Variants in SATB1 observed in about 807,000 individuals in gnomAD.
SATB1 encodes SATB homeobox 1, also known as DNA-binding protein SATB1.
Under a neutral mutation model 86.9 loss-of-function variants are expected in SATB1, and 11 were observed. That is an observed-to-expected ratio of 0.13 (90% CI 0.08 to 0.21). The LOEUF (loss-of-function observed/expected upper bound fraction) is 0.21. Among genes scored for constraint, SATB1 ranks in the 10% least tolerant of loss-of-function variants. SATB1 has a pLI of 1.00. For missense variants in SATB1, 551 were observed against 937.6 expected (o/e 0.59, Z 5.39); for synonymous variants, 357 against 357.2 (o/e 1.00, Z 0.01).
chr3:18,409,854 C>T lies in SATB1; in HGVS notation c.639+5257G>A, dbSNP rs539007471. On this transcript the variant is annotated intron_variant, in intron 5 of 10. Transcript: ENST00000338745. ...CCTTTTATTTTAAAATGGAGCTGCTCGTAAAAGACCAGTCTGATGACTGGA... is the reference window on the plus strand; with the variant it reads ...CCTTTTATTTTAAAATGGAGCTGCTTGTAAAAGACCAGTCTGATGACTGGA... Among the ~76,000 whole-genome samples, 6 of 152,056 alleles carry T rather than the reference C, an allele frequency of 3.9e-5. No individual in the cohort carries two copies. The South Asian group carries it at 6.2e-4, about 16-fold the overall frequency.
chr3:18,441,694 G>T (rs948155880), upstream of SATB1, among the ~76,000 whole-genome samples: 3 of 152,110 alleles, frequency 2.0e-5, no homozygotes, highest in African/African-American at 7.2e-5. Context: ...AACAGTGTTT[G>T]TAACCAAAAT....
chr3:18,374,814 T>C (rs1313204094), intron 9 of SATB1, among the ~76,000 whole-genome samples: 1 of 152,220 alleles, frequency 6.6e-6, no homozygotes. Context: ...TCTCTATCCA[T>C]GTGGAGGACT....
At chr3:18,368,792 A>G (rs1272860267) in intron 9 of SATB1, among the ~76,000 whole-genome samples, 1 of 152,210 alleles carries the variant, frequency 6.6e-6, no homozygotes, top group Non-Finnish European at 1.5e-5. Context: ...AATGGTCTCT[A>G]AAGTGGATTG....
intron 5 of SATB1, among the ~76,000 whole-genome samples, chr3:18,399,828 C>T (rs1697156917): frequency 6.6e-6 from 1 of 152,088 alleles, no homozygotes; most frequent in African/African-American, 2.4e-5. Context: ...ATTCAGGTAA[C>T]TTGGAGTCAT....
chr3:18,442,846 G>A (rs1699275825), upstream of SATB1, among the ~76,000 whole-genome samples: 1 of 152,296 alleles, frequency 6.6e-6, no homozygotes, highest in African/African-American at 2.4e-5. Context: ...TGTCAAAAAT[G>A]TAAGCTTGAA....
In SATB1 at chr3:18,349,184, C is replaced by T; in HGVS notation, c.2278G>A (p.Asp760Asn). The T allele has an allele frequency of 1.2e-6, 2 of 1,613,116 alleles. No individual in the cohort carries two copies. The highest frequency in any genetic ancestry group is 1.7e-6 in the Non-Finnish European group (2 of 1,179,500). Residue 760 changes from aspartate (D) to asparagine (N), a missense_variant, in exon 11 of 11, where the codon GAT becomes AAT. By Grantham distance (23) the Asp-to-Asn change is conservative. This residue lies in a region of SATB1 where 41 missense variants were observed against 38.9 expected (regional missense o/e 1.06). Coordinates refer to ENST00000338745, the MANE Select transcript of SATB1 (RefSeq NM_002971.6). This position sits in a 1 kb window ranked among gnomAD's most constrained non-coding sequence, Gnocchi z 5.5. The part of the protein sequence containing the change: ...SVEGNTDINT[D>N]LKD Reference sequence around the variant, plus strand: ...ATACTTTTATCTCAGTCTTTCAAATCAGTATTAATGTCTGTGTTTCCTTCC... The same window carrying T: ...ATACTTTTATCTCAGTCTTTCAAATTAGTATTAATGTCTGTGTTTCCTTCC...
chr3:18,433,511 TCA>T (rs920593849), intron 2 of SATB1, among the ~76,000 whole-genome samples: 3 of 152,142 alleles, frequency 2.0e-5, no homozygotes, highest in Admixed American at 2.0e-4. Context: ...TGTTCCACAT[TCA>T]GTTTTCATAT....
At chr3:18,383,865 G>C (rs1014759052) in intron 8 of SATB1, among the ~76,000 whole-genome samples, 4 of 151,878 alleles carry the variant, frequency 2.6e-5, no homozygotes, top group African/African-American at 9.7e-5. Flanking sequence ...TTTAATCATG[G>C]TTAAAGGGAA....
chr3:18,396,252 C>T (rs1696959757), intron 6 of SATB1, among the ~76,000 whole-genome samples: 1 of 151,584 alleles, frequency 6.6e-6, no homozygotes, highest in South Asian at 2.1e-4. Context: ...AGAGCTAAAA[C>T]TTGCTCAAAA....
chr3:18,426,755 G>A (rs954703282), upstream of SATB1, among the ~76,000 whole-genome samples: 3 of 152,068 alleles, frequency 2.0e-5, no homozygotes, highest in Non-Finnish European at 4.4e-5. The surrounding 1 kb of genome is among the most constrained non-coding windows in gnomAD (Gnocchi z 4.2). Flanking sequence ...ACATAAAAAA[G>A]CAACAAGTTA....
At chr3:18,366,320 C>G (rs1194515534) in intron 9 of SATB1, among the ~76,000 whole-genome samples, 3 of 151,834 alleles carry the variant, frequency 2.0e-5, no homozygotes, top group African/African-American at 4.8e-5. Flanking sequence ...TGTATTTACT[C>G]CCTATCTCCC....
At chr3:18,351,590 T>G in intron 10 of SATB1, 1 of 574,266 alleles carries the variant, frequency 1.7e-6, no homozygotes, top group Non-Finnish European at 3.1e-6. Context: ...TTCTACAAAC[T>G]TCCTTTACAG....
rs990681957 is a variant in SATB1, at chr3:18,349,870, C to T, written c.1780-188G>A. On this transcript the variant is annotated intron_variant, in intron 10 of 10. Transcript: ENST00000338745. This position sits in a 1 kb window ranked among gnomAD's most constrained non-coding sequence, Gnocchi z 5.5. Reference sequence around the variant, plus strand: ...TTACAAAAAAATCAAAATGATATGACTAGGAAGGGATGAATTAAGACAGCT... The same window carrying T: ...TTACAAAAAAATCAAAATGATATGATTAGGAAGGGATGAATTAAGACAGCT... The T allele has an allele frequency of 4.9e-6, 5 of 1,027,712 alleles. No homozygotes were observed. The highest frequency in any genetic ancestry group is 6.8e-6 in the Non-Finnish European group (5 of 734,440). 63.7% of individuals were successfully genotyped at this position (1,027,712 alleles called of 1,614,324 possible).
intron 5 of SATB1, among the ~76,000 whole-genome samples, chr3:18,400,400 GGTA>G (rs1220203842): frequency 6.6e-6 from 1 of 152,164 alleles, no homozygotes; most frequent in Non-Finnish European, 1.5e-5. Flanking sequence ...GTCACACACT[GGTA>G]GTATGACCTT....
At chr3:18,411,207 G>A (rs960163696) in intron 5 of SATB1, among the ~76,000 whole-genome samples, 2 of 152,022 alleles carry the variant, frequency 1.3e-5, no homozygotes, top group African/African-American at 2.4e-5. Context: ...ATCTTTTCCA[G>A]GTGAGAAATA....
At position 18,351,998 on chromosome 3, in the gene SATB1, C is replaced by T. The variant is rs1357521627; in HGVS notation, c.1773G>A (p.Gln591=). Residue 591 remains glutamine (Q), a synonymous_variant, in exon 10 of 11, where the codon CAG becomes CAA. Transcript: ENST00000338745. ...TTGGCCAAAGTAAACGAACCTGAAT[C>T]TGCTCTGCTGGAACATGGATAATGT... The part of the protein sequence containing the change: ...PPHIIHVPAE[Q]IQQQQQQQQQ... 7 of 1,614,094 alleles carry T rather than the reference C, an allele frequency of 4.3e-6. No homozygotes were observed. Among genetic ancestry groups the T allele is most frequent in the Non-Finnish European group, 5.9e-6 (7 of 1,180,046 alleles).
intron 9 of SATB1, among the ~76,000 whole-genome samples, chr3:18,371,470 T>C (rs1169962833): frequency 3.3e-5 from 5 of 152,182 alleles, no homozygotes; most frequent in Non-Finnish European, 4.4e-5. Context: ...GTATAACAAG[T>C]ATACTTAGAA....
intron 9 of SATB1, among the ~76,000 whole-genome samples, chr3:18,360,708 G>A (rs1220020291): frequency 6.6e-6 from 1 of 152,048 alleles, no homozygotes; most frequent in Non-Finnish European, 1.5e-5. Context: ...AATCTCACAG[G>A]ATAGTAGCCA....
At chr3:18,397,890 A>G (rs1697047561) in intron 5 of SATB1, among the ~76,000 whole-genome samples, 2 of 152,226 alleles carry the variant, frequency 1.3e-5, no homozygotes, top group Admixed American at 6.5e-5. Context: ...GTGGACGCGC[A>G]TTAACACTGA....
Sources: allele counts gnomAD v4.1 joint callset (sites outside exome capture counted in the v4.1 genomes callset), GRCh38; gene constraint gnomAD v4.1.1; regional missense constraint gnomAD v4.1.1; non-coding constraint Gnocchi (gnomAD v3.1); transcripts MANE v1.5; gene names NCBI Gene and HGNC (gene_info 2026-07-23, HGNC 2026-07-21).